Variants in SLC17A6 observed in about 807,000 individuals in gnomAD.
The protein encoded by SLC17A6 is solute carrier family 17 member 6.
SLC17A6 carries 35 observed loss-of-function variants against 67.1 expected under a neutral mutation model. The ratio of observed to expected loss-of-function variants is 0.52; its 90% CI spans 0.40 to 0.69. The LOEUF is 0.69. SLC17A6 is among the 30% of genes least tolerant of loss of function. SLC17A6 has a pLI of 0.00. For synonymous variants in SLC17A6, 285 were observed against 252.3 expected (o/e 1.13, Z -1.23); for missense variants, 588 against 723.9 (o/e 0.81, Z 2.15).
At chr11:22,368,833 A>T (rs1403489681) in intron 7 of SLC17A6, among the ~76,000 whole-genome samples, 1 of 152,048 alleles carries the variant, frequency 6.6e-6, no homozygotes, top group African/African-American at 2.4e-5. Flanking sequence ...TGCCACTAAA[A>T]TTTTTTATCC....
At chr11:22,372,632 C>A (rs1361385162) in intron 8 of SLC17A6, among the ~76,000 whole-genome samples, 1 of 151,924 alleles carries the variant, frequency 6.6e-6, no homozygotes, top group Admixed American at 6.6e-5. Context: ...AGACGTGGAT[C>A]AGATAGGAAG....
intron 1 of SLC17A6, among the ~76,000 whole-genome samples, chr11:22,341,042 G>A (rs1194495815): frequency 6.6e-6 from 1 of 152,218 alleles, no homozygotes; most frequent in Non-Finnish European, 1.5e-5. Flanking sequence ...CTCTAGTTGG[G>A]CCCGCCTGCA....
At chr11:22,350,863 G>A (rs1227217087) in intron 3 of SLC17A6, among the ~76,000 whole-genome samples, 1 of 152,052 alleles carries the variant, frequency 6.6e-6, no homozygotes, top group Non-Finnish European at 1.5e-5. Flanking sequence ...TATTTCTTCT[G>A]AGAAAGCCAT....
At position 22,376,684 on chromosome 11, in the gene SLC17A6, A is replaced by G; in HGVS notation, c.1413+12A>G. 2.5e-6 allele frequency: 4 copies of G among 1,613,448 alleles called. No individual in the cohort carries two copies. Among genetic ancestry groups the G allele is most frequent in the Non-Finnish European group, 3.4e-6 (4 of 1,179,512 alleles). ...TGACAAAGAATAAGGTAAGATGGTC[A>G]AAACAGATGTTTAGTCATAGAAGAC... On this transcript the variant is annotated intron_variant, in intron 11 of 11. Transcript: ENST00000263160.
chr11:22,363,763 A>T (rs1334630504), intron 6 of SLC17A6, among the ~76,000 whole-genome samples: 1 of 152,112 alleles, frequency 6.6e-6, no homozygotes, highest in Non-Finnish European at 1.5e-5. Flanking sequence ...TGCAAGTCAT[A>T]TAGGTATTCG....
In SLC17A6 at chr11:22,341,783, G is replaced by A. The variant is rs1855818979; in HGVS notation, c.339+3G>A. 3 of 1,613,098 alleles carry A rather than the reference G, an allele frequency of 1.9e-6. No homozygotes were observed. Among genetic ancestry groups the A allele is most frequent in the Non-Finnish European group, 2.5e-6 (3 of 1,179,228 alleles). ...GCGGGGGCAAGGTCATCAAGGAGGTGGGCAACGTCTGGCCGCCCTGGCTCC... is the reference window on the plus strand; with the variant it reads ...GCGGGGGCAAGGTCATCAAGGAGGTAGGCAACGTCTGGCCGCCCTGGCTCC... On this transcript the variant is annotated splice_donor_region_variant and intron_variant, in intron 2 of 11. Coordinates refer to ENST00000263160, the MANE Select transcript of SLC17A6 (RefSeq NM_020346.3).
At chr11:22,377,368 G>T in intron 11 of SLC17A6, 37 bp from the exon 12 acceptor site, 1 of 1,532,626 alleles carries the variant, frequency 6.5e-7, no homozygotes, top group East Asian at 2.3e-5. Context: ...AAATCATGGG[G>T]AGTCAGTTCT....
intron 2 of SLC17A6, 37 bp downstream of exon 2, chr11:22,341,817 G>C: frequency 1.2e-6 from 2 of 1,605,790 alleles, no homozygotes; most frequent in Admixed American, 1.7e-5. Flanking sequence ...CCTGCCCTTC[G>C]GCCATGCGGC....
intron 3 of SLC17A6, 41 bp downstream of exon 3, chr11:22,343,406 T>A: frequency 6.5e-7 from 1 of 1,536,840 alleles, no homozygotes; most frequent in Non-Finnish European, 8.9e-7. Context: ...GCGTGGTGTT[T>A]GTTTCCTCCG....
rs139762859 is a variant in SLC17A6, at chr11:22,354,335, C to T, written c.459-5078C>T. 9.7e-3 allele frequency among the ~76,000 whole-genome samples: 1,472 copies of T among 152,250 alleles called. 24 individuals carry two copies. The highest frequency in any genetic ancestry group is 0.033 in the African/African-American group (1,387 of 41,552). ...CTGACCTCAGGCGATCCACCCACCTCGGCCCCCAAAAATGCTGGGATTACA... is the reference window on the plus strand; with the variant it reads ...CTGACCTCAGGCGATCCACCCACCTTGGCCCCCAAAAATGCTGGGATTACA... On this transcript the variant is annotated intron_variant, in intron 3 of 11. Transcript: ENST00000263160.
intron 7 of SLC17A6, among the ~76,000 whole-genome samples, chr11:22,368,627 C>T (rs949381095): frequency 6.6e-6 from 1 of 151,882 alleles, no homozygotes. Flanking sequence ...GGATCTTTGC[C>T]CAACAGGGAA....
intron 1 of SLC17A6, among the ~76,000 whole-genome samples, chr11:22,340,241 A>G (rs1030581508): frequency 1.3e-5 from 2 of 152,244 alleles, no homozygotes; most frequent in African/African-American, 4.8e-5. Context: ...AGATTGGAAA[A>G]AATATCTGCA....
Position 22,379,052 on chromosome 11 carries a change from C to T in SLC17A6, c.*1312C>T, listed in dbSNP as rs2133882004. Reference sequence around the variant, plus strand: ...CAACAAGAATTGCAACATTTGTGTACCAAGCAATAAGTGCAATGCATAAAA... The same window carrying T: ...CAACAAGAATTGCAACATTTGTGTATCAAGCAATAAGTGCAATGCATAAAA... On this transcript the variant is annotated 3_prime_UTR_variant, in exon 12 of 12. Coordinates refer to ENST00000263160, the MANE Select transcript of SLC17A6 (RefSeq NM_020346.3). 1 of 152,514 alleles carries T rather than the reference C, an allele frequency of 6.6e-6. No individual in the cohort carries two copies. 9.4% of individuals were successfully genotyped at this position (152,514 alleles called of 1,614,324 possible).
In SLC17A6 at chr11:22,360,901, T is replaced by C; in HGVS notation, c.578T>C (p.Val193Ala). The change falls in exon 5 of 12, where the codon GTG (valine) becomes GCG (alanine). Residue 193 changes from valine to alanine, a missense_variant. By Grantham distance (64) the Val-to-Ala change is moderately conservative. Transcript: ENST00000263160. Reference protein sequence around the residue: ...VRILQGLVEGVTYPACHGIWS... With the variant: ...VRILQGLVEGATYPACHGIWS... ...GAGTATCTTCCCCCATCACAGGGTG[T>C]GACCTACCCAGCATGTCATGGGATA... 1 of 1,613,772 alleles carries C rather than the reference T, an allele frequency of 6.2e-7. No homozygotes were observed. Among genetic ancestry groups the C allele is most frequent in the Non-Finnish European group, 8.5e-7 (1 of 1,179,726 alleles).
At chr11:22,354,718 G>A (rs1855978579) in intron 3 of SLC17A6, among the ~76,000 whole-genome samples, 2 of 152,194 alleles carry the variant, frequency 1.3e-5, no homozygotes, top group African/African-American at 4.8e-5. Context: ...GATAAGTAAT[G>A]TAAACCATAG....
chr11:22,364,040 T>A lies in SLC17A6; in HGVS notation c.748+1215T>A, dbSNP rs1590389882. ...CAACCAATATCATTATTTCAAGTTATATCTCATTTGATATTTATCATTGAA... is the reference window on the plus strand; with the variant it reads ...CAACCAATATCATTATTTCAAGTTAAATCTCATTTGATATTTATCATTGAA... On this transcript the variant is annotated intron_variant, in intron 6 of 11. Coordinates refer to ENST00000263160, the MANE Select transcript of SLC17A6 (RefSeq NM_020346.3). Among the ~76,000 whole-genome samples, 4 of 152,302 alleles carry A rather than the reference T, an allele frequency of 2.6e-5. No homozygotes were observed. The South Asian group carries it at 6.2e-4, about 24-fold the overall frequency.
At chr11:22,367,328 C>T (rs2133874079) in intron 7 of SLC17A6, among the ~76,000 whole-genome samples, 1 of 151,440 alleles carries the variant, frequency 6.6e-6, no homozygotes, top group East Asian at 1.9e-4. Context: ...CCAAATTGGC[C>T]CTTAATGAAT....
In SLC17A6 at chr11:22,375,983, T is replaced by G; in HGVS notation, c.1176T>G (p.Gly392=). 1 of 1,599,074 alleles carries G rather than the reference T, an allele frequency of 6.3e-7. No individual in the cohort carries two copies. Among genetic ancestry groups the G allele is most frequent in the Non-Finnish European group, 8.5e-7 (1 of 1,172,204 alleles). Reference sequence around the variant, plus strand: ...ATTTCTATGTGTTTGCTTCTGAAGGTTTTGGCATGGAAGCCACACTGCTCC... The same window carrying G: ...ATTTCTATGTGTTTGCTTCTGAAGGGTTTGGCATGGAAGCCACACTGCTCC... The part of the protein sequence containing the change: ...TTVRKIMNCG[G]FGMEATLLLV... Residue 392 remains glycine (G), a splice_region_variant and synonymous_variant, in exon 10 of 12, where the codon GGT becomes GGG. Coordinates refer to ENST00000263160, the MANE Select transcript of SLC17A6 (RefSeq NM_020346.3).
At chr11:22,359,655 A>G in intron 4 of SLC17A6, 128 bp downstream of exon 4, 1 of 447,200 alleles carries the variant, frequency 2.2e-6, no homozygotes, top group Non-Finnish European at 3.8e-6. Flanking sequence ...AAAATAAAAA[A>G]TGAAACACTG....
Sources: gnomAD v4.1 joint callset for allele counts (sites outside exome capture counted in the v4.1 genomes callset) on GRCh38, gnomAD v4.1.1 for gene constraint, MANE v1.5 for transcripts, NCBI Gene and HGNC (gene_info 2026-07-23, HGNC 2026-07-21) for gene names.